ATF7IP: variants seen among roughly 807,000 people sequenced by gnomAD.
ATF7IP encodes activating transcription factor 7-interacting protein 1.
ATF7IP carries 23 observed loss-of-function variants against 106.4 expected under a neutral mutation model. That is an observed-to-expected ratio of 0.22 (90% CI 0.16 to 0.31). The LOEUF is 0.31. Ranked by LOEUF, ATF7IP falls within the 10% of genes least tolerant of loss-of-function variation. ATF7IP has a pLI of 1.00. For synonymous variants in ATF7IP, 542 were observed against 539.0 expected (o/e 1.01, Z -0.08); for missense variants, 1,334 against 1,524.3 (o/e 0.88, Z 2.08).
At chr12:14,433,737 T>G (rs1942261193) in intron 2 of ATF7IP, among the ~76,000 whole-genome samples, 1 of 151,994 alleles carries the variant, frequency 6.6e-6, no homozygotes, top group Admixed American at 6.6e-5. Context: ...TGACAAAAAA[T>G]ACAGTTTACA....
chr12:14,498,087 T>A lies in ATF7IP; in HGVS notation c.*14T>A. ...CAGAGCAGTTAAACCTTGGAGCCTT[T>A]ATATTTTCCTCTTTTAAAATTTCCA... On this transcript the variant is annotated 3_prime_UTR_variant, in exon 15 of 15. Transcript: ENST00000261168. 1 of 1,538,576 alleles carries A rather than the reference T, an allele frequency of 6.5e-7. No homozygotes were observed. Among genetic ancestry groups the A allele is most frequent in the Non-Finnish European group, 8.8e-7 (1 of 1,141,678 alleles).
chr12:14,434,001 A>G (rs1942273563), intron 2 of ATF7IP, among the ~76,000 whole-genome samples: 1 of 152,210 alleles, frequency 6.6e-6, no homozygotes, highest in Admixed American at 6.5e-5. Context: ...TATTGAATGT[A>G]AAGGAATCAA....
intron 1 of ATF7IP, among the ~76,000 whole-genome samples, chr12:14,374,272 A>ATTTTTTTTTTTT (rs563859251): frequency 9.5e-6 from 1 of 105,446 alleles, no homozygotes; most frequent in Non-Finnish European, 1.9e-5. Context: ...TAATTTTGTA[A>ATTTTTTTTTTTT]TTTTTTTTTT....
intron 13 of ATF7IP, among the ~76,000 whole-genome samples, chr12:14,493,875 T>C (rs1245091499): frequency 1.3e-5 from 2 of 152,158 alleles, no homozygotes; most frequent in Admixed American, 1.3e-4. Flanking sequence ...TATCTTCTTC[T>C]GAGGCTGAGA....
At chr12:14,401,802 C>T (rs1940227684) in intron 1 of ATF7IP, among the ~76,000 whole-genome samples, 1 of 148,354 alleles carries the variant, frequency 6.7e-6, no homozygotes. Context: ...CAGTCTCCAC[C>T]TCCTGGGTTC....
At chr12:14,393,691 C>T (rs1293741589) in intron 1 of ATF7IP, among the ~76,000 whole-genome samples, 2 of 152,064 alleles carry the variant, frequency 1.3e-5, no homozygotes, top group Admixed American at 6.5e-5. Context: ...TGGATAACCC[C>T]TAGTAAGCAT....
chr12:14,476,298 G>T (rs1944260247), intron 11 of ATF7IP: 1 of 180,086 alleles, frequency 5.6e-6, no homozygotes, highest in Non-Finnish European at 1.2e-5. Flanking sequence ...TGTGGTCCCA[G>T]CTGCATGGGA....
intron 1 of ATF7IP, among the ~76,000 whole-genome samples, chr12:14,418,807 C>A (rs1433519897): frequency 2.0e-5 from 3 of 152,036 alleles, no homozygotes; most frequent in Non-Finnish European, 4.4e-5. Context: ...GGTAGTTATT[C>A]TATAATTCTT....
At chr12:14,493,764 C>A (rs1329177598) in intron 13 of ATF7IP, among the ~76,000 whole-genome samples, 1 of 152,096 alleles carries the variant, frequency 6.6e-6, no homozygotes, top group Non-Finnish European at 1.5e-5. Context: ...GTCAGACACT[C>A]GCATGATAAG....
intron 13 of ATF7IP, among the ~76,000 whole-genome samples, chr12:14,487,982 A>C (rs1389746214): frequency 6.6e-6 from 1 of 152,178 alleles, no homozygotes. Context: ...CTCTCTAAAC[A>C]GTTCATGCCA....
At chr12:14,462,420 G>C (rs1161794165) in intron 9 of ATF7IP, among the ~76,000 whole-genome samples, 1 of 151,856 alleles carries the variant, frequency 6.6e-6, no homozygotes, top group South Asian at 2.1e-4. Context: ...ATTTAGTGAT[G>C]GACATTGTTT....
chr12:14,431,228 C>T (rs1369911224), intron 2 of ATF7IP, among the ~76,000 whole-genome samples: 1 of 152,054 alleles, frequency 6.6e-6, no homozygotes, highest in African/African-American at 2.4e-5. Context: ...ATTATGAGAT[C>T]TGGTATCTGC....
intron 1 of ATF7IP, among the ~76,000 whole-genome samples, chr12:14,411,789 C>T (rs1325928189): frequency 2.0e-5 from 3 of 151,884 alleles, no homozygotes; most frequent in Admixed American, 2.0e-4. Context: ...TGATGAAGTT[C>T]AGTTAAACTT....
At chr12:14,460,150 T>C (rs994561399) in intron 8 of ATF7IP, among the ~76,000 whole-genome samples, 3 of 152,198 alleles carry the variant, frequency 2.0e-5, no homozygotes, top group African/African-American at 7.2e-5. Flanking sequence ...TTCAAAAATA[T>C]ATATTTTTAC....
chr12:14,431,646 G>A (rs1310051509), intron 2 of ATF7IP, among the ~76,000 whole-genome samples: 1 of 152,026 alleles, frequency 6.6e-6, no homozygotes, highest in East Asian at 1.9e-4. Context: ...CGCCCGCCTC[G>A]GCCTCCCAAA....
At chr12:14,416,345 A>G (rs542918214) in intron 1 of ATF7IP, among the ~76,000 whole-genome samples, 1 of 152,148 alleles carries the variant, frequency 6.6e-6, no homozygotes, top group Admixed American at 6.5e-5. Context: ...AAATGAATGA[A>G]ATTTTTATTC....
In ATF7IP at chr12:14,481,330, T is replaced by C. The variant is rs972025147; in HGVS notation, c.3280+145T>C. ...TATTGTTATAAGTTCAAGAGATCTG[T>C]ACTACAACATAGAAACTATAGTATA... On this transcript the variant is annotated intron_variant, in intron 13 of 14. Transcript: ENST00000261168. 5.9e-6 allele frequency: 4 copies of C among 678,826 alleles called. No individual in the cohort carries two copies. In the East Asian group the frequency reaches 1.1e-4, roughly 18 times the overall value. The allele number at this position is 678,826 out of a possible 1,614,324, so 42.1% of individuals were successfully genotyped here.
chr12:14,398,537 G>T (rs892707928), intron 1 of ATF7IP, among the ~76,000 whole-genome samples: 1 of 148,642 alleles, frequency 6.7e-6, no homozygotes. Flanking sequence ...GGTCAATATT[G>T]ATGTACATTG....
intron 10 of ATF7IP, among the ~76,000 whole-genome samples, chr12:14,473,971 CT>C (rs1191197732): frequency 6.6e-6 from 1 of 151,848 alleles, no homozygotes; most frequent in African/African-American, 2.4e-5. Context: ...AGTATTTGAA[CT>C]ATGATGTGTA....
Sources: allele counts gnomAD v4.1 joint callset (sites outside exome capture counted in the v4.1 genomes callset), GRCh38; gene constraint gnomAD v4.1.1; transcripts MANE v1.5; gene names NCBI Gene and HGNC (gene_info 2026-07-23, HGNC 2026-07-21).